FRK: variants seen among roughly 807,000 people sequenced by gnomAD.
FRK encodes the protein fyn related Src family tyrosine kinase.
In FRK, 51 loss-of-function variants were observed where a neutral mutation model predicts 56.4. The observed-to-expected ratio is 0.90, with a 90% CI of 0.72 to 1.14. FRK has a LOEUF of 1.14. Ranked by LOEUF, FRK falls within the 50% of genes most tolerant of loss-of-function variation. The pLI, the probability that FRK is intolerant of heterozygous loss-of-function variation, is 0.00. For synonymous variants in FRK, 245 were observed against 217.9 expected (o/e 1.12, Z -1.10); for missense variants, 570 against 601.4 (o/e 0.95, Z 0.55).
rs528498887 is a variant in FRK at position 116,015,851 on chromosome 6, C to T, written c.345-11853G>A. ...CAGAAGAGATTTCTAAGCAGTGAAG[C>T]ATCCAAGATGTGACCTGGCTGATTC... is the stretch of plus-strand genomic sequence containing the variant. On this transcript the variant is annotated intron_variant, in intron 1 of 7. Transcript: ENST00000606080. 3.3e-5 allele frequency among the ~76,000 whole-genome samples: 5 copies of T among 152,266 alleles called. No homozygotes were observed. The East Asian group carries it at 7.7e-4, about 24-fold the overall frequency.
At chr6:116,042,653 G>A (rs926396935) in intron 1 of FRK, among the ~76,000 whole-genome samples, 3 of 152,024 alleles carry the variant, frequency 2.0e-5, no homozygotes, top group African/African-American at 4.8e-5. Flanking sequence ...AAAGACCATC[G>A]ACACTGTGAA....
the FRK span, among the ~76,000 whole-genome samples, chr6:116,082,476 G>A: frequency 6.6e-6 from 1 of 152,202 alleles, no homozygotes; most frequent in Non-Finnish European, 1.5e-5. Flanking sequence ...GATCCAGGTG[G>A]TAGCAGTGAA....
At chr6:115,996,909 A>G (rs545015974) in intron 2 of FRK, among the ~76,000 whole-genome samples, 13 of 152,218 alleles carry the variant, frequency 8.5e-5, no homozygotes, top group Non-Finnish European at 1.8e-4. Context: ...AGGAGACACA[A>G]CTTTCCTAAG....
chr6:116,084,480 T>C, the FRK span, among the ~76,000 whole-genome samples: 3 of 152,184 alleles, frequency 2.0e-5, no homozygotes, highest in African/African-American at 7.2e-5. Context: ...AGATCAGTGA[T>C]TACAGGCTGT....
At chr6:116,040,929 A>G (rs1423744327) in intron 1 of FRK, among the ~76,000 whole-genome samples, 2 of 152,142 alleles carry the variant, frequency 1.3e-5, no homozygotes, top group African/African-American at 4.8e-5. Context: ...AATACTAAAA[A>G]TTTTGGATAA....
At chr6:116,036,848 A>G (rs1334170022) in intron 1 of FRK, among the ~76,000 whole-genome samples, 1 of 152,196 alleles carries the variant, frequency 6.6e-6, no homozygotes, top group Non-Finnish European at 1.5e-5. Flanking sequence ...CAACATTGGA[A>G]CTGTGCAGAA....
chr6:115,945,712 T>C (rs1402079622), intron 5 of FRK, among the ~76,000 whole-genome samples: 6 of 152,158 alleles, frequency 3.9e-5, no homozygotes, highest in Non-Finnish European at 5.9e-5. Context: ...TTATAAAGTA[T>C]GAATATTACA....
intron 1 of FRK, among the ~76,000 whole-genome samples, chr6:116,051,228 C>T (rs1016330144): frequency 1.3e-5 from 2 of 152,090 alleles, no homozygotes; most frequent in Admixed American, 6.6e-5. Context: ...TACTGAATTG[C>T]ATTTTTATTT....
chr6:116,064,989 C>T (rs1777734729), upstream of FRK, among the ~76,000 whole-genome samples: 10 of 152,102 alleles, frequency 6.6e-5, no homozygotes, highest in South Asian at 2.1e-3. Flanking sequence ...CTGCTAACTT[C>T]CCCTCCCAGT....
chr6:116,015,626 C>A (rs541054239), intron 1 of FRK, among the ~76,000 whole-genome samples: 5 of 152,150 alleles, frequency 3.3e-5, no homozygotes, highest in African/African-American at 1.2e-4. Context: ...ACTTGTTGAA[C>A]AGTTTTGATC....
chr6:116,026,049 T>C (rs1464438452), intron 1 of FRK, among the ~76,000 whole-genome samples: 1 of 152,256 alleles, frequency 6.6e-6, no homozygotes, highest in Admixed American at 6.5e-5. Context: ...AATATCTCCT[T>C]GACATTTCAA....
At chr6:115,998,508 A>G (rs1488981370) in intron 2 of FRK, among the ~76,000 whole-genome samples, 2 of 152,152 alleles carry the variant, frequency 1.3e-5, no homozygotes, top group Non-Finnish European at 2.9e-5. Context: ...ATCATTCCAC[A>G]AAACACCAGA....
At chr6:115,949,081 T>C (rs1772591786) in intron 5 of FRK, among the ~76,000 whole-genome samples, 1 of 152,234 alleles carries the variant, frequency 6.6e-6, no homozygotes, top group Non-Finnish European at 1.5e-5. Flanking sequence ...TTTGGCTCTC[T>C]GTTTTTCTAT....
rs950281240 is a variant in FRK, at chr6:115,939,717, C to T, written c.*2697G>A. 3 of 152,192 alleles carry T rather than the reference C, an allele frequency of 2.0e-5. No homozygotes were observed. Among genetic ancestry groups the T allele is most frequent in the Non-Finnish European group, 2.9e-5 (2 of 68,050 alleles). 9.4% of individuals were successfully genotyped at this position (152,192 alleles called of 1,614,324 possible). On this transcript the variant is annotated 3_prime_UTR_variant, in exon 8 of 8. Coordinates refer to ENST00000606080, the MANE Select transcript of FRK (RefSeq NM_002031.3). ...AACAGAGAGCCAAATCATGAGTGAA[C>T]TCCCATTCACAATTGCTACAAAGAG...
chr6:115,959,843 C>T (rs909858739), intron 4 of FRK, among the ~76,000 whole-genome samples: 2 of 152,148 alleles, frequency 1.3e-5, no homozygotes, highest in African/African-American at 4.8e-5. Flanking sequence ...GGTTTAAACA[C>T]AGATTTATCT....
chr6:115,976,463 C>T (rs1237726575), intron 2 of FRK, among the ~76,000 whole-genome samples: 1 of 152,088 alleles, frequency 6.6e-6, no homozygotes, highest in African/African-American at 2.4e-5. Context: ...GACGTCAAGT[C>T]GGCTCAGTGA....
intron 5 of FRK, among the ~76,000 whole-genome samples, chr6:115,950,786 T>C (rs1772712805): frequency 6.6e-6 from 1 of 152,200 alleles, no homozygotes. Flanking sequence ...CCATCAATGT[T>C]GGACTGGATA....
the FRK span, among the ~76,000 whole-genome samples, chr6:116,072,558 C>CAT: frequency 4.5e-4 from 66 of 147,792 alleles, no homozygotes; most frequent in Non-Finnish European, 7.8e-4. Flanking sequence ...CACACACACA[C>CAT]ACACACAAGA....
At chr6:116,081,840 T>A in the FRK span, among the ~76,000 whole-genome samples, 1 of 152,174 alleles carries the variant, frequency 6.6e-6, no homozygotes, top group Non-Finnish European at 1.5e-5. Context: ...TTCTAGATGC[T>A]GGAACTTCAG....
Sources: gnomAD v4.1 joint callset for allele counts (sites outside exome capture counted in the v4.1 genomes callset) on GRCh38, gnomAD v4.1.1 for gene constraint, MANE v1.5 for transcripts, NCBI Gene and HGNC (gene_info 2026-07-23, HGNC 2026-07-21) for gene names.